Variants in ELL observed in about 807,000 individuals in gnomAD.
ELL encodes elongation factor for RNA polymerase II.
Under a neutral mutation model 64.0 loss-of-function variants are expected in ELL, and 18 were observed. That is an observed-to-expected ratio of 0.28 (90% CI 0.19 to 0.42). The LOEUF (loss-of-function observed/expected upper bound fraction) is 0.42, where lower values mean the gene tolerates loss of function less well. Among genes scored for constraint, ELL ranks in the 10% least tolerant of loss-of-function variants. The probability of loss-of-function intolerance (pLI) is 1.00; values close to 1 mark genes in which losing one functional copy is unlikely to be tolerated. For missense variants in ELL, 797 were observed against 870.4 expected, an observed-to-expected ratio of 0.92 and a Z score of 1.06; for synonymous variants, 399 against 376.2, an observed-to-expected ratio of 1.06 and a Z score of -0.70.
At chr19:18,452,396 T>C (rs1053334621) in intron 6 of ELL, among the ~76,000 whole-genome samples, 1 of 152,160 alleles carries the variant, frequency 6.6e-6, no homozygotes, top group African/African-American at 2.4e-5. Context: ...ACTGCAGGTG[T>C]CACTTCCCTG....
intron 1 of ELL, among the ~76,000 whole-genome samples, chr19:18,519,229 C>A (rs2144985553): frequency 6.8e-6 from 1 of 147,336 alleles, no homozygotes; most frequent in East Asian, 2.0e-4. Flanking sequence ...AAGACTCCGT[C>A]TCAAAAAAAA....
At chr19:18,504,634 C>T (rs527664930) in intron 1 of ELL, among the ~76,000 whole-genome samples, 20 of 152,246 alleles carry the variant, frequency 1.3e-4, no homozygotes, top group African/African-American at 3.6e-4. Flanking sequence ...GGTGGATCAA[C>T]GGGTTAATAA....
chr19:18,489,787 C>T (rs898092286), intron 1 of ELL, among the ~76,000 whole-genome samples: 15 of 152,146 alleles, frequency 9.9e-5, no homozygotes, highest in Non-Finnish European at 1.8e-4. Flanking sequence ...CTCACTGGGG[C>T]CCCGGCCTCT....
chr19:18,509,092 G>A (rs1819663617), intron 1 of ELL, among the ~76,000 whole-genome samples: 1 of 152,080 alleles, frequency 6.6e-6, no homozygotes, highest in Non-Finnish European at 1.5e-5. Context: ...GGTGGACGCA[G>A]CCCAGGTTCC....
chr19:18,499,512 T>C (rs1221267665), intron 1 of ELL, among the ~76,000 whole-genome samples: 1 of 152,160 alleles, frequency 6.6e-6, no homozygotes, highest in Non-Finnish European at 1.5e-5. Flanking sequence ...ATACAAATCC[T>C]GCCACGAGGA....
chr19:18,465,308 T>C, intron 4 of ELL, 104 bp downstream of exon 4: 1 of 1,439,088 alleles, frequency 6.9e-7, no homozygotes, highest in Non-Finnish European at 9.2e-7. Flanking sequence ...ACCCATCATT[T>C]CTGTGCAGGG....
intron 1 of ELL, among the ~76,000 whole-genome samples, chr19:18,492,983 A>C (rs1222391813): frequency 6.6e-6 from 1 of 152,008 alleles, no homozygotes; most frequent in African/African-American, 2.4e-5. Flanking sequence ...AAGCCATTTC[A>C]TTTGCTTCCC....
chr19:18,453,131 G>A lies in ELL; in HGVS notation c.870-1483C>T, dbSNP rs188023130. 2.1e-3 allele frequency among the ~76,000 whole-genome samples: 327 copies of A among 152,214 alleles called. 1 individual carries two copies. Among genetic ancestry groups the A allele is most frequent in the Non-Finnish European group, 2.7e-3 (182 of 68,010 alleles). ...TCCTAAACGTACAAAAAAATTAGCC[G>A]GGCATGGTGGTGGGCACCTGTAACC... On this transcript the variant is annotated intron_variant, in intron 6 of 11. Coordinates refer to ENST00000262809, the MANE Select transcript of ELL (RefSeq NM_006532.4).
intron 8 of ELL, among the ~76,000 whole-genome samples, chr19:18,447,165 G>A (rs757801248): frequency 2.0e-4 from 31 of 152,346 alleles, no homozygotes; most frequent in Non-Finnish European, 3.5e-4. Context: ...CTGCACAACC[G>A]GTCAGAGCTT....
At chr19:18,480,464 G>C (rs1975276035) in intron 1 of ELL, among the ~76,000 whole-genome samples, 1 of 152,176 alleles carries the variant, frequency 6.6e-6, no homozygotes, top group Non-Finnish European at 1.5e-5. Flanking sequence ...TAGGGAACCA[G>C]GTGGCCACGG....
chr19:18,516,985 C>T (rs1976144994), intron 1 of ELL, among the ~76,000 whole-genome samples: 1 of 152,084 alleles, frequency 6.6e-6, no homozygotes, highest in South Asian at 2.1e-4. Flanking sequence ...TTTTTCTGAA[C>T]AACGGTGTGC....
intron 4 of ELL, among the ~76,000 whole-genome samples, chr19:18,465,209 A>T (rs1302732760): frequency 6.6e-6 from 1 of 152,162 alleles, no homozygotes; most frequent in Non-Finnish European, 1.5e-5. Context: ...TATCCCTCAC[A>T]TAGCCCCCAG....
intron 1 of ELL, among the ~76,000 whole-genome samples, chr19:18,480,517 C>G (rs1975277783): frequency 6.6e-6 from 1 of 152,214 alleles, no homozygotes; most frequent in Admixed American, 6.5e-5. Flanking sequence ...GCTCCTCTGC[C>G]AGCCTGGGAG....
intron 1 of ELL, among the ~76,000 whole-genome samples, chr19:18,520,894 G>T (rs1004054457): frequency 6.6e-6 from 1 of 151,916 alleles, no homozygotes; most frequent in Non-Finnish European, 1.5e-5. Context: ...CTGGTCATCT[G>T]CAACTTCTGA....
chr19:18,481,776 G>A (rs947609428), intron 1 of ELL, among the ~76,000 whole-genome samples: 1 of 152,202 alleles, frequency 6.6e-6, no homozygotes, highest in African/African-American at 2.4e-5. Context: ...GACACAGGTT[G>A]TTTCCAGTCT....
chr19:18,485,397 G>A (rs1207406903), intron 1 of ELL, among the ~76,000 whole-genome samples: 8 of 152,230 alleles, frequency 5.3e-5, no homozygotes, highest in Admixed American at 6.5e-5. Context: ...AAGGCCACCC[G>A]TCCTCAGCCT....
At chr19:18,487,987 C>A (rs1975454403) in intron 1 of ELL, among the ~76,000 whole-genome samples, 1 of 152,198 alleles carries the variant, frequency 6.6e-6, no homozygotes, top group African/African-American at 2.4e-5. Flanking sequence ...CCGGCCCCAC[C>A]TCACTCTGGC....
intron 1 of ELL, among the ~76,000 whole-genome samples, chr19:18,491,249 ATTTTTTTTTTTTTTTTTTTTTTTTTTTTT>A (rs565016319): frequency 2.8e-5 from 2 of 72,448 alleles, no homozygotes; most frequent in Non-Finnish European, 5.5e-5. Flanking sequence ...CACCTGGCTA[ATTTTTTTTTTTTTTTTTTTTTTTTTTTTT>A]TTTTTTTTTT....
rs760150831 is a variant in ELL, at chr19:18,458,246, G to A, written c.828C>T (p.Tyr276=). ...YKDVQKDWPG[Y]SEGDQQLLKR... is the part of the protein sequence containing the mutation. Reference sequence around the variant, plus strand: ...TCAGCAGCTGCTGGTCCCCCTCCGAGTAGCCAGGCCAGTCCTTCTGCACAT... The same window carrying A: ...TCAGCAGCTGCTGGTCCCCCTCCGAATAGCCAGGCCAGTCCTTCTGCACAT... Residue 276 remains tyrosine (Y), a synonymous_variant, in exon 6 of 12, where the codon TAC becomes TAT. Coordinates refer to ENST00000262809, the MANE Select transcript of ELL (RefSeq NM_006532.4). 3.7e-6 allele frequency: 6 copies of A among 1,612,598 alleles called. No individual in the cohort carries two copies. Among genetic ancestry groups the A allele is most frequent in the Non-Finnish European group, 1.7e-6 (2 of 1,180,038 alleles).
Sources: gnomAD v4.1 joint callset for allele counts (sites outside exome capture counted in the v4.1 genomes callset) on GRCh38, gnomAD v4.1.1 for gene constraint, MANE v1.5 for transcripts, NCBI Gene and HGNC (gene_info 2026-07-23, HGNC 2026-07-21) for gene names.